Variants in CDH23 observed in about 807,000 individuals in gnomAD.
The protein encoded by CDH23 is cadherin related 23.
Under a neutral mutation model 317.1 loss-of-function variants are expected in CDH23, and 189 were observed. The observed-to-expected ratio is 0.60, with a 90% CI of 0.53 to 0.67. The LOEUF is 0.67. Among genes scored for constraint, CDH23 ranks in the 30% least tolerant of loss-of-function variants. The probability of loss-of-function intolerance (pLI) is 0.00; values close to 1 mark genes in which losing one functional copy is unlikely to be tolerated. For synonymous variants in CDH23, 1,839 were observed against 1,876.8 expected (o/e 0.98, Z 0.52); for missense variants, 4,401 against 4,592.4 (o/e 0.96, Z 1.20).
At chr10:71,427,197 G>GAAAGAAAGAAAGA (rs1301992281) in intron 1 of CDH23, among the ~76,000 whole-genome samples, 4 of 60,862 alleles carry the variant, frequency 6.6e-5, no homozygotes, top group Non-Finnish European at 1.3e-4. Flanking sequence ...GAAGGAAAGA[G>GAAAGAAAGAAAGA]AAAGAAAGAA....
chr10:71,484,062 T>G (rs2132122376), intron 3 of CDH23, among the ~76,000 whole-genome samples: 1 of 152,280 alleles, frequency 6.6e-6, no homozygotes, highest in East Asian at 1.9e-4. Flanking sequence ...GGCCACAGCG[T>G]GCAGCTGTGG....
chr10:71,454,841 T>C (rs917851391), intron 3 of CDH23, among the ~76,000 whole-genome samples: 9 of 85,542 alleles, frequency 1.1e-4, no homozygotes, highest in Admixed American at 3.3e-4. Context: ...TTTTTTTACA[T>C]TTTATTTTTT....
At chr10:71,451,883 C>G (rs1474152196) in intron 3 of CDH23, among the ~76,000 whole-genome samples, 2 of 152,176 alleles carry the variant, frequency 1.3e-5, no homozygotes, top group Admixed American at 1.3e-4. Context: ...AGGCAGGACC[C>G]GGGGGCTGGC....
intron 6 of CDH23, among the ~76,000 whole-genome samples, chr10:71,559,111 C>A (rs1308621488): frequency 6.6e-6 from 1 of 152,190 alleles, no homozygotes; most frequent in East Asian, 1.9e-4. Flanking sequence ...GGGTCCTGAG[C>A]TTTTCCAGTG....
At chr10:71,678,155 C>T (rs1173150683) in intron 16 of CDH23, among the ~76,000 whole-genome samples, 3 of 152,174 alleles carry the variant, frequency 2.0e-5, no homozygotes, top group Non-Finnish European at 4.4e-5. Context: ...CCCCCCGACC[C>T]ATCCACTGCC....
In CDH23 at chr10:71,705,032, A is replaced by C; in HGVS notation, c.2855A>C (p.Glu952Ala). 3 of 1,612,640 alleles carry C rather than the reference A, an allele frequency of 1.9e-6. No homozygotes were observed. Among genetic ancestry groups the C allele is most frequent in the Non-Finnish European group, 1.7e-6 (2 of 1,179,832 alleles). ...AGCGGCGTGGTGGTCACCACCACCG[A>C]GCTGGACCGCGAGCGCATCGCGGAG... ...SSSGVVVTTT[E>A]LDRERIAEYQ... is the part of the protein sequence containing the mutation. The change falls in exon 25 of 70, where the codon GAG becomes GCG. Residue 952 changes from glutamate (E) to alanine (A), a missense_variant. Around this residue, in one of 3 missense-constraint regions of CDH23, gnomAD observed 3,068 missense variants for 3,203.3 expected, o/e 0.96. Coordinates refer to ENST00000224721, the MANE Select transcript of CDH23 (RefSeq NM_022124.6).
chr10:71,727,140 G>GC (rs2132810525), intron 30 of CDH23, among the ~76,000 whole-genome samples: 1 of 152,298 alleles, frequency 6.6e-6, no homozygotes, highest in East Asian at 1.9e-4. Context: ...CCTCATAATA[G>GC]CCTTATGAAG....
chr10:71,709,873 C>T (rs558846649), intron 27 of CDH23, among the ~76,000 whole-genome samples: 8 of 152,094 alleles, frequency 5.3e-5, no homozygotes, highest in Non-Finnish European at 8.8e-5. Context: ...GGGGAGGCCA[C>T]GTGGAACTCA....
At chr10:71,770,383 A>C (rs1306611196) in intron 38 of CDH23, among the ~76,000 whole-genome samples, 1 of 152,214 alleles carries the variant, frequency 6.6e-6, no homozygotes, top group East Asian at 1.9e-4. Context: ...CCATCTTGGG[A>C]TTTAAGCCTA....
intron 1 of CDH23, among the ~76,000 whole-genome samples, chr10:71,427,225 G>GAAAGAAAA (rs1849133033): frequency 1.4e-5 from 1 of 72,038 alleles, no homozygotes; most frequent in East Asian, 3.3e-4. Context: ...AAGAAAGAAA[G>GAAAGAAAA]AAAGAAAGAA....
intron 38 of CDH23, chr10:71,760,351 T>G (rs2132886852): frequency 6.7e-6 from 1 of 149,220 alleles, no homozygotes. Context: ...TAATAATACT[T>G]AAAAAGACTT....
At position 71,706,890 on chromosome 10, in the gene CDH23, C is replaced by T. The variant is rs1294594433; in HGVS notation, c.2954-7C>T. 6.3e-7 allele frequency: 1 copy of T among 1,592,520 alleles called. No homozygotes were observed. The highest frequency in any genetic ancestry group is 8.5e-7 in the Non-Finnish European group (1 of 1,169,996). ...GGCCTAGCCCCGGCGCCCGTTCTGC[C>T]CCGCAGTGCTGGATGTGAACGACGA... On this transcript the variant is annotated splice_region_variant and splice_polypyrimidine_tract_variant and intron_variant, in intron 25 of 69. Transcript: ENST00000224721.
At chr10:71,740,398 C>T (rs1227055) in intron 36 of CDH23, among the ~76,000 whole-genome samples, 107,519 of 152,140 alleles carry the variant, frequency 0.71, 38,263 homozygotes, top group Non-Finnish European at 0.76. Context: ...GCTCTTTTCC[C>T]GTTTGCCAGA....
intron 9 of CDH23, among the ~76,000 whole-genome samples, chr10:71,599,479 T>G (rs1860074637): frequency 6.6e-6 from 1 of 152,218 alleles, no homozygotes; most frequent in Non-Finnish European, 1.5e-5. Flanking sequence ...GCATACAGTA[T>G]GTAAAGATGA....
At chr10:71,630,169 A>G (rs1474212814) in intron 11 of CDH23, among the ~76,000 whole-genome samples, 1 of 152,028 alleles carries the variant, frequency 6.6e-6, no homozygotes. Flanking sequence ...CTACAGGCAC[A>G]TGCCACTGTG....
At position 71,815,668 on chromosome 10, in the gene CDH23, G is replaced by A. The variant is rs1052831242; in HGVS notation, c.*390G>A. ...CACCATCCCCTCCGGCTAAGCAGGC[G>A]CAAGGGAGGCCCAGCGCGGACATCC... On this transcript the variant is annotated 3_prime_UTR_variant, in exon 70 of 70. Transcript: ENST00000224721. The A allele has an allele frequency of 1.5e-4, 26 of 175,508 alleles. No individual in the cohort carries two copies. The highest frequency in any genetic ancestry group is 5.0e-4 in the South Asian group (3 of 5,956). The allele number at this position is 175,508 out of a possible 1,614,324, so 10.9% of individuals were successfully genotyped here.
In CDH23 at chr10:71,511,131, G is replaced by A. The variant is rs1352417520; in HGVS notation, c.348G>A (p.Arg116=). Residue 116 remains arginine, a synonymous_variant, in exon 6 of 70, where the codon CGG becomes CGA. Coordinates refer to ENST00000224721, the MANE Select transcript of CDH23 (RefSeq NM_022124.6). ...CTTTCTCTTGCCAGGTGATCACACG[G>A]AAGGTGAACATCCAGGTTGGGGATG... ...SVSDHQGVIT[R]KVNIQVGDVN... is the part of the protein sequence containing the mutation. 3.1e-6 allele frequency: 5 copies of A among 1,613,560 alleles called. No individual in the cohort carries two copies. Among genetic ancestry groups the A allele is most frequent in the Non-Finnish European group, 4.2e-6 (5 of 1,179,566 alleles).
chr10:71,509,948 G>T, intron 3 of CDH23, 134 bp from the exon 4 acceptor site: 1 of 953,228 alleles, frequency 1.0e-6, no homozygotes, highest in East Asian at 2.5e-5. Context: ...CCAGGGCCTT[G>T]TGATGATCTG....
chr10:71,717,446 C>T (rs1263051766), intron 28 of CDH23: 1 of 152,260 alleles, frequency 6.6e-6, no homozygotes, highest in African/African-American at 2.4e-5. Flanking sequence ...GCTGGAAACC[C>T]CCCAGGGACA....
Sources: allele counts gnomAD v4.1 joint callset (sites outside exome capture counted in the v4.1 genomes callset), GRCh38; gene constraint gnomAD v4.1.1; regional missense constraint gnomAD v4.1.1; transcripts MANE v1.5; gene names NCBI Gene and HGNC (gene_info 2026-07-23, HGNC 2026-07-21).